PID1: variants seen among roughly 807,000 people sequenced by gnomAD.
PID1 encodes PTB-containing, cubilin and LRP1-interacting protein.
A neutral mutation model predicts 19.1 loss-of-function variants in PID1; 10 were observed. The ratio of observed to expected loss-of-function variants is 0.52; its 90% confidence interval spans 0.32 to 0.89. The LOEUF is 0.89. PID1 is among the 40% of genes least tolerant of loss of function. PID1 has a pLI of 0.03. For missense variants in PID1, 248 were observed against 285.3 expected (o/e 0.87, Z 0.94); for synonymous variants, 130 against 116.0 (o/e 1.12, Z -0.78).
rs370563551 is a variant in PID1 at position 229,185,386 on chromosome 2, C to T, written c.31-29422G>A. Among the ~76,000 whole-genome samples, 33 of 152,220 alleles carry T rather than the reference C, an allele frequency of 2.2e-4. No homozygotes were observed. The South Asian group carries it at 5.6e-3, about 26-fold the overall frequency. On this transcript the variant is annotated intron_variant, in intron 1 of 2. Transcript: ENST00000392055. ...GCACACTGATCCCATCCCCTCCTGT[C>T]TACTTAGGGATGCTGCTCCAGCAAG...
At chr2:229,138,781 G>A (rs1191816932) in intron 2 of PID1, among the ~76,000 whole-genome samples, 2 of 151,422 alleles carry the variant, frequency 1.3e-5, no homozygotes, top group African/African-American at 2.4e-5. Context: ...ATTTGTTTGG[G>A]GCTAGACAAG....
intron 1 of PID1, among the ~76,000 whole-genome samples, chr2:229,267,675 T>C (rs1296620201): frequency 6.6e-6 from 1 of 152,182 alleles, no homozygotes; most frequent in Admixed American, 6.5e-5. Flanking sequence ...AGAAAATACT[T>C]GTTCCTATGG....
intron 2 of PID1, among the ~76,000 whole-genome samples, chr2:229,108,181 A>T (rs149144443): frequency 6.6e-6 from 1 of 152,252 alleles, no homozygotes; most frequent in African/African-American, 2.4e-5. Context: ...TTAGACTCCT[A>T]TGTAAGAGTT....
intron 2 of PID1, among the ~76,000 whole-genome samples, chr2:229,086,554 T>C (rs1275086338): frequency 6.6e-6 from 1 of 152,184 alleles, no homozygotes; most frequent in East Asian, 1.9e-4. Flanking sequence ...CTAAAGGTTT[T>C]ATAAAAGTAA....
At chr2:229,049,793 C>T (rs1448222644) in intron 2 of PID1, among the ~76,000 whole-genome samples, 2 of 152,086 alleles carry the variant, frequency 1.3e-5, no homozygotes, top group Admixed American at 6.6e-5. Context: ...GAAAAGTCAT[C>T]GACACAGAAC....
intron 1 of PID1, among the ~76,000 whole-genome samples, chr2:229,222,274 C>T (rs555556943): frequency 5.3e-5 from 8 of 152,176 alleles, no homozygotes; most frequent in African/African-American, 1.4e-4. Context: ...CATGTGTTCG[C>T]GGGTCTACAT....
At chr2:229,161,267 C>T (rs565183716) in intron 1 of PID1, among the ~76,000 whole-genome samples, 24 of 152,252 alleles carry the variant, frequency 1.6e-4, no homozygotes, top group African/African-American at 5.8e-4. Flanking sequence ...TGAGACCACA[C>T]TGAGACAAGG....
intron 1 of PID1, among the ~76,000 whole-genome samples, chr2:229,172,077 T>G (rs976443077): frequency 3.3e-5 from 5 of 152,176 alleles, no homozygotes; most frequent in African/African-American, 7.2e-5. Flanking sequence ...TAGGCTCGTC[T>G]CAGCAAATTA....
At chr2:229,031,573 A>G (rs1485421702) in intron 2 of PID1, among the ~76,000 whole-genome samples, 1 of 152,016 alleles carries the variant, frequency 6.6e-6, no homozygotes, top group Non-Finnish European at 1.5e-5. Context: ...AGAAAAGAAA[A>G]GGAAAGAAAA....
intron 2 of PID1, among the ~76,000 whole-genome samples, chr2:229,145,155 G>GTGTGTGTGTGTA (rs1391018424): frequency 1.7e-5 from 2 of 119,968 alleles, no homozygotes; most frequent in African/African-American, 6.3e-5. Flanking sequence ...ATATGTATGT[G>GTGTGTGTGTGTA]TATATATATA....
In PID1 at chr2:229,236,987, T is replaced by TACACAC. The variant is rs201772514; in HGVS notation, c.30+34021_30+34026dup. Among the ~76,000 whole-genome samples, 465 of 107,874 alleles carry TACACAC rather than the reference T, an allele frequency of 4.3e-3. 4 individuals carry two copies. Among genetic ancestry groups the TACACAC allele is most frequent in the East Asian group, 9.7e-3 (43 of 4,412 alleles). The allele number at this position is 107,874 out of a possible 152,430, so 70.8% of individuals were successfully genotyped here. A position where few individuals can be genotyped will look rare whatever the true frequency, so the allele number is the denominator to read the frequency against. Reference sequence around the variant, plus strand: ...TGCGGCCTTCTCCTTTACACACACATACACACACACACACACACACACACA... The same window carrying TACACAC: ...TGCGGCCTTCTCCTTTACACACACATACACACACACACACACACACACACACACACA... On this transcript the variant is annotated intron_variant, in intron 1 of 2. Coordinates refer to ENST00000392055, the MANE Select transcript of PID1 (RefSeq NM_001100818.2).
intron 2 of PID1, among the ~76,000 whole-genome samples, chr2:229,151,420 C>G (rs1446265131): frequency 1.3e-5 from 2 of 152,210 alleles, no homozygotes; most frequent in Non-Finnish European, 2.9e-5. Flanking sequence ...TGGGGCTACA[C>G]CTGGCACTTA....
At position 229,208,539 on chromosome 2, in the gene PID1, G is replaced by C. The variant is rs1158718887; in HGVS notation, c.31-52575C>G. On this transcript the variant is annotated intron_variant, in intron 1 of 2. Transcript: ENST00000392055. ...AAAGGCAGCCACATTTTTATGCAGA[G>C]ATCTAGGAGCTTTTCTCAAAAGCAT... is the stretch of plus-strand genomic sequence containing the variant. Among the ~76,000 whole-genome samples the C allele has an allele frequency of 4.6e-5, 7 of 152,330 alleles. No individual in the cohort carries two copies. In the East Asian group the frequency reaches 1.3e-3, roughly 29 times the overall value.
chr2:229,073,463 C>G (rs773328404), intron 2 of PID1, among the ~76,000 whole-genome samples: 4 of 152,182 alleles, frequency 2.6e-5, no homozygotes, highest in Non-Finnish European at 5.9e-5. Flanking sequence ...TGAATTGCCA[C>G]GCTCTACGCT....
intron 1 of PID1, chr2:229,231,915 GA>G: frequency 1.3e-6 from 2 of 1,550,170 alleles, no homozygotes; most frequent in East Asian, 4.9e-5. Flanking sequence ...AACAGAAATT[GA>G]TTTTCTCACC....
chr2:229,147,691 T>C (rs1320157727), intron 2 of PID1, among the ~76,000 whole-genome samples: 1 of 152,206 alleles, frequency 6.6e-6, no homozygotes, highest in East Asian at 1.9e-4. Context: ...ATCTTTTTCA[T>C]ACATTTAAAC....
chr2:229,139,113 AAG>A (rs10617918), intron 2 of PID1, among the ~76,000 whole-genome samples: 1,971 of 30,680 alleles, frequency 0.064, 150 homozygotes, highest in African/African-American at 0.097. Context: ...GAAAGAAAGA[AAG>A]AGAAAGAAAG....
intron 2 of PID1, among the ~76,000 whole-genome samples, chr2:229,119,343 C>T (rs184421841): frequency 2.0e-5 from 3 of 152,320 alleles, no homozygotes; most frequent in East Asian, 1.9e-4. Flanking sequence ...AGATCCCCAT[C>T]GAAGTCTGTG....
chr2:229,224,236 T>C (rs931777645), intron 1 of PID1, among the ~76,000 whole-genome samples: 28 of 152,198 alleles, frequency 1.8e-4, no homozygotes, highest in African/African-American at 6.8e-4. Context: ...TTGTTGGGAA[T>C]GTAAATTAGT....
Sources: allele counts gnomAD v4.1 joint callset (sites outside exome capture counted in the v4.1 genomes callset), GRCh38; gene constraint gnomAD v4.1.1; transcripts MANE v1.5; gene names NCBI Gene and HGNC (gene_info 2026-07-23, HGNC 2026-07-21).